MTX1: variants seen among roughly 807,000 people sequenced by gnomAD.
MTX1 encodes the protein metaxin 1, also known as metaxin-1.
A neutral mutation model predicts 39.4 loss-of-function variants in MTX1; 20 were observed. The ratio of observed to expected loss-of-function variants is 0.51; its 90% CI spans 0.36 to 0.74. MTX1 has a LOEUF of 0.74. MTX1 is among the 30% of genes least tolerant of loss of function. The pLI is 0.00. For missense variants in MTX1, 481 were observed against 485.9 expected (o/e 0.99, Z 0.10); for synonymous variants, 209 against 198.6 (o/e 1.05, Z -0.44).
Position 155,212,569 on chromosome 1 carries a change from T to C in MTX1, c.954+2T>C. ...GACGAGGAAGAGCTGGAGAAGGAGGTAGCTCTGAGACCGGGGGCTATTGTA... is the reference window on the plus strand; with the variant it reads ...GACGAGGAAGAGCTGGAGAAGGAGGCAGCTCTGAGACCGGGGGCTATTGTA... On this transcript the variant is annotated splice_donor_variant, in intron 5 of 7. Transcript: ENST00000368376. LOFTEE classifies it high-confidence loss of function. 1 of 1,606,984 alleles carries C rather than the reference T, an allele frequency of 6.2e-7. No homozygotes were observed.
intron 6 of MTX1, 54 bp downstream of exon 6, chr1:155,212,824 G>A: frequency 6.7e-7 from 1 of 1,503,472 alleles, no homozygotes; most frequent in East Asian, 2.4e-5. Context: ...TACAGGTTCA[G>A]ATGGAGCAGC....
At chr1:155,212,801 G>A (rs1294274698) in intron 6 of MTX1, 31 bp downstream of exon 6, 3 of 1,527,622 alleles carry the variant, frequency 2.0e-6, no homozygotes, top group African/African-American at 1.4e-5. Context: ...GTAATGGGTG[G>A]CTTGGAAGAA....
rs530447741 is a variant in MTX1 at position 155,212,681 on chromosome 1, G to A, written c.955-13G>A. On this transcript the variant is annotated splice_polypyrimidine_tract_variant and intron_variant, in intron 5 of 7. Coordinates refer to ENST00000368376, the MANE Select transcript of MTX1 (RefSeq NM_002455.5). ...TTCCCACAGCTGCAAGCCTACCTGT[G>A]TCGCCCCTACAGCTGTACCGAGAGG... 1.6e-5 allele frequency: 25 copies of A among 1,612,058 alleles called. No individual in the cohort carries two copies. The East Asian group carries it at 4.9e-4, about 32-fold the overall frequency.
intron 2 of MTX1, 35 bp downstream of exon 2, chr1:155,210,450 G>A (rs770611882): frequency 7.5e-6 from 12 of 1,610,288 alleles, no homozygotes; most frequent in Non-Finnish European, 1.0e-5. Context: ...GGAAGGGTGT[G>A]TACAAGGGGA....
At position 155,213,811 on chromosome 1, in the gene MTX1, C is replaced by A; in HGVS notation, c.*113C>A. The stretch of plus-strand genomic sequence containing the variant: ...CGGGGTGCTGCCACCCAGAATAAAG[C>A]CACTCACACTGACTGGGCTCAAACA... On this transcript the variant is annotated 3_prime_UTR_variant, in exon 8 of 8. Coordinates refer to ENST00000368376, the MANE Select transcript of MTX1 (RefSeq NM_002455.5). 1 of 16,052 alleles carries A rather than the reference C, an allele frequency of 6.2e-5. No individual in the cohort carries two copies. The highest frequency in any genetic ancestry group is 1.4e-4 in the Non-Finnish European group (1 of 7,368). The allele number at this position is 16,052 out of a possible 1,614,324, so 1.0% of individuals were successfully genotyped here.
Position 155,212,819 on chromosome 1 carries a change from G to A in MTX1, c.1031+49G>A, listed in dbSNP as rs751978993. ...ATGGGTGGCTTGGAAGAAGATACAGGTTCAGATGGAGCAGCTGGAGCTGGG... is the reference window on the plus strand; with the variant it reads ...ATGGGTGGCTTGGAAGAAGATACAGATTCAGATGGAGCAGCTGGAGCTGGG... On this transcript the variant is annotated intron_variant, in intron 6 of 7. Coordinates refer to ENST00000368376, the MANE Select transcript of MTX1 (RefSeq NM_002455.5). 2.7e-6 allele frequency: 4 copies of A among 1,501,774 alleles called. No individual in the cohort carries two copies. In the South Asian group the frequency reaches 5.3e-5, roughly 20 times the overall value. 93.0% of individuals were successfully genotyped at this position (1,501,774 alleles called of 1,614,324 possible). A position where few individuals can be genotyped will look rare whatever the true frequency, so the allele number is the denominator to read the frequency against.
At chr1:155,211,310 G>A (rs1249515568) in intron 3 of MTX1, 1 of 152,906 alleles carries the variant, frequency 6.5e-6, no homozygotes, top group Admixed American at 6.5e-5. Flanking sequence ...TCCTGGCAGA[G>A]CCGAGGCCAC....
Position 155,210,372 on chromosome 1 carries a change from A to C in MTX1, c.555A>C (p.Pro185=). ...CCTATGCCAGATTTACTGGTGCTCC[A>C]CTGAAGGTACACAAGATCAGCAACC... ...VLTYARFTGA[P]LKVHKISNPW... Residue 185 remains proline (P), a synonymous_variant, in exon 2 of 8, where the codon CCA becomes CCC. Transcript: ENST00000368376. 3 of 1,614,228 alleles carry C rather than the reference A, an allele frequency of 1.9e-6. No individual in the cohort carries two copies. Among genetic ancestry groups the C allele is most frequent in the Non-Finnish European group, 2.5e-6 (3 of 1,180,032 alleles).
In MTX1 at chr1:155,212,142, T is replaced by A; in HGVS notation, c.694T>A (p.Tyr232Asn). The A allele has an allele frequency of 6.2e-7, 1 of 1,609,562 alleles. No homozygotes were observed. The highest frequency in any genetic ancestry group is 2.2e-5 in the East Asian group (1 of 44,870). Residue 232 changes from tyrosine to asparagine, a missense_variant, in exon 4 of 8, where the codon TAT (tyrosine) becomes AAT (asparagine). This residue lies in a region of MTX1 where 368 missense variants were observed against 332.8 expected (regional missense o/e 1.11). Transcript: ENST00000368376. Reference protein sequence around the residue: ...HLRKEKYNADYDLSARQGADT... With the variant: ...HLRKEKYNADNDLSARQGADT... ...TCCTCCACAGAAGTACAATGCTGAT[T>A]ATGATCTGTCAGCTCGGCAAGGGGC... is the stretch of plus-strand genomic sequence containing the variant.
Position 155,208,985 on chromosome 1 carries a change from C to G in MTX1, c.181C>G (p.Arg61Gly), listed in dbSNP as rs1329910414. ...TCGGGGCTCCACTTGGACGAGGCGC[C>G]GTGACTCTCCGAGGCGCGCCGGGCC... ...GVRGSTWTRR[R>G]DSPRRAGPTA... Residue 61 changes from arginine (R) to glycine (G), a missense_variant, in exon 1 of 8, where the codon CGT (arginine) becomes GGT (glycine). By Grantham distance (125) the Arg-to-Gly change is moderately radical. This residue lies in a region of MTX1 where 368 missense variants were observed against 332.8 expected (regional missense o/e 1.11). Coordinates refer to ENST00000368376, the MANE Select transcript of MTX1 (RefSeq NM_002455.5). 3 of 1,603,612 alleles carry G rather than the reference C, an allele frequency of 1.9e-6. No homozygotes were observed. Among genetic ancestry groups the G allele is most frequent in the East Asian group, 2.2e-5 (1 of 44,466 alleles).
chr1:155,210,456 G>A, intron 2 of MTX1, 41 bp downstream of exon 2: 1 of 1,610,014 alleles, frequency 6.2e-7, no homozygotes, highest in Non-Finnish European at 8.5e-7. Flanking sequence ...GTGTGTACAA[G>A]GGGAGAAGCA....
chr1:155,210,836 CAGGG>C, intron 3 of MTX1: 1 of 590,194 alleles, frequency 1.7e-6, no homozygotes, highest in Non-Finnish European at 3.0e-6. Flanking sequence ...CACTGTGAGG[CAGGG>C]AGGGAGAGGA....
intron 6 of MTX1, 22 bp downstream of exon 6, chr1:155,212,792 TA>T (rs1428626288): frequency 6.5e-7 from 1 of 1,546,986 alleles, no homozygotes; most frequent in Non-Finnish European, 8.7e-7. Context: ...TCCAAGAGGG[TA>T]ATGGGTGGCT....
chr1:155,209,165 A>G lies in MTX1; in HGVS notation c.361A>G (p.Ile121Val). Residue 121 changes from isoleucine (I) to valine (V), a missense_variant, in exon 1 of 8, where the codon ATC becomes GTC. Around this residue, in one of 2 missense-constraint regions of MTX1, gnomAD observed 368 missense variants for 332.8 expected, o/e 1.11. Transcript: ENST00000368376. ...CTCCCCAGGCCCCCTGACCGCAACG[A>G]TCGGAGGGGCGGTGGCGGGGGGCGG... ...GISPGPLTAT[I>V]GGAVAGGGPR... 2 of 1,498,216 alleles carry G rather than the reference A, an allele frequency of 1.3e-6. No homozygotes were observed. The highest frequency in any genetic ancestry group is 1.3e-5 in the South Asian group (1 of 78,520). The allele number at this position is 1,498,216 out of a possible 1,614,324, so 92.8% of individuals were successfully genotyped here.
chr1:155,212,125 A>G lies in MTX1; in HGVS notation c.679-2A>G, dbSNP rs762400594. On this transcript the variant is annotated splice_acceptor_variant, in intron 3 of 7. Coordinates refer to ENST00000368376, the MANE Select transcript of MTX1 (RefSeq NM_002455.5). LOFTEE classifies it high-confidence loss of function. ...TCCACGCCATGGATATTTCCTCCAC[A>G]GAAGTACAATGCTGATTATGATCTG... is the stretch of plus-strand genomic sequence containing the variant. 6.2e-7 allele frequency: 1 copy of G among 1,601,790 alleles called. No individual in the cohort carries two copies. Among genetic ancestry groups the G allele is most frequent in the Non-Finnish European group, 8.5e-7 (1 of 1,173,576 alleles).
At chr1:155,211,876 G>C (rs1293196718) in intron 3 of MTX1, 2 of 357,762 alleles carry the variant, frequency 5.6e-6, no homozygotes, top group African/African-American at 4.2e-5. Context: ...GTTTGCGGCG[G>C]AGCCTTCCTT....
In MTX1 at chr1:155,208,971, C is replaced by G; in HGVS notation, c.167C>G (p.Thr56Ser). 6.2e-7 allele frequency: 1 copy of G among 1,607,336 alleles called. No individual in the cohort carries two copies. Among genetic ancestry groups the G allele is most frequent in the Non-Finnish European group, 8.5e-7 (1 of 1,178,106 alleles). Residue 56 changes from threonine to serine, a missense_variant, in exon 1 of 8, where the codon ACT becomes AGT. Thr to Ser is a moderately conservative substitution (Grantham distance 58, BLOSUM62 1). Transcript: ENST00000368376. ...GCGCCTTCAGGGGTTCGGGGCTCCA[C>G]TTGGACGAGGCGCCGTGACTCTCCG... ...PAAPSGVRGS[T>S]WTRRRDSPRR... is the part of the protein sequence containing the mutation.
chr1:155,209,085 TC>T lies in MTX1; in HGVS notation c.286del (p.Arg96AlafsTer22). 1 of 1,540,996 alleles carries T rather than the reference TC, an allele frequency of 6.5e-7. No homozygotes were observed. The highest frequency in any genetic ancestry group is 8.8e-7 in the Non-Finnish European group (1 of 1,142,782). ...CCCTCCCCCGAGGCCCGCGGCCCAGTCCCCCGCAGTTCAGCTGCCAGTCGGG... is the reference window on the plus strand; with the variant it reads ...CCCTCCCCCGAGGCCCGCGGCCCAGTCCCCGCAGTTCAGCTGCCAGTCGGG... The part of the protein sequence containing the change: ...RPPSPEARGP[V>X]PRSSAASRAR... On this transcript the variant is annotated frameshift_variant, in exon 1 of 8. Coordinates refer to ENST00000368376, the MANE Select transcript of MTX1 (RefSeq NM_002455.5). LOFTEE classifies it high-confidence loss of function.
At chr1:155,210,515 G>C in intron 2 of MTX1, 33 bp from the exon 3 acceptor site, 1 of 1,610,964 alleles carries the variant, frequency 6.2e-7, no homozygotes, top group Non-Finnish European at 8.5e-7. Context: ...GGCAGCTAAG[G>C]GTCTGGTTGG....
Sources: gnomAD v4.1 joint callset for allele counts on GRCh38, gnomAD v4.1.1 for gene constraint, gnomAD v4.1.1 regional missense constraint, MANE v1.5 for transcripts, NCBI Gene and HGNC (gene_info 2026-07-23, HGNC 2026-07-21) for gene names.